CSMD1: variants seen among roughly 807,000 people sequenced by gnomAD.
CSMD1 encodes CUB and sushi domain-containing protein 1.
Under a neutral mutation model 417.5 loss-of-function variants are expected in CSMD1, and 213 were observed. The observed-to-expected ratio is 0.51, with a 90% CI of 0.46 to 0.57. The LOEUF (loss-of-function observed/expected upper bound fraction) is 0.57, where lower values mean the gene tolerates loss of function less well. Among genes scored for constraint, CSMD1 ranks in the 20% least tolerant of loss-of-function variants. The pLI is 0.00. For synonymous variants in CSMD1, 2,862 were observed against 1,736.8 expected (o/e 1.65, Z -16.11); for missense variants, 6,923 against 4,529.7 (o/e 1.53, Z -15.17).
chr8:4,903,464 A>G (rs1440299460), intron 1 of CSMD1, among the ~76,000 whole-genome samples: 1 of 152,110 alleles, frequency 6.6e-6, no homozygotes, highest in East Asian at 1.9e-4. Context: ...GCATACACCA[A>G]TTGTACAAAT....
At chr8:3,668,700 G>A (rs1249715570) in intron 7 of CSMD1, among the ~76,000 whole-genome samples, 1 of 152,144 alleles carries the variant, frequency 6.6e-6, no homozygotes, top group African/African-American at 2.4e-5. Flanking sequence ...TCGAAGTCTA[G>A]ACACAGAGAT....
chr8:4,112,279 C>A (rs1801897008), intron 3 of CSMD1, among the ~76,000 whole-genome samples: 1 of 152,144 alleles, frequency 6.6e-6, no homozygotes, highest in Non-Finnish European at 1.5e-5. Context: ...CTCTGATACA[C>A]CTTTCTGTGC....
chr8:4,265,310 C>T (rs930281621), intron 3 of CSMD1, among the ~76,000 whole-genome samples: 4 of 151,856 alleles, frequency 2.6e-5, no homozygotes, highest in East Asian at 1.9e-4. Context: ...AAAACATATA[C>T]GTTAGGGAAA....
chr8:3,297,154 C>T (rs1327092314), intron 25 of CSMD1, among the ~76,000 whole-genome samples: 6 of 152,134 alleles, frequency 3.9e-5, no homozygotes, highest in Admixed American at 6.5e-5. Flanking sequence ...AACTGCAAAA[C>T]ATCATTGAGA....
chr8:3,826,113 C>T (rs1005001901), intron 5 of CSMD1, among the ~76,000 whole-genome samples: 1 of 151,964 alleles, frequency 6.6e-6, no homozygotes, highest in Non-Finnish European at 1.5e-5. Flanking sequence ...AACAATAAAC[C>T]GGCCGTCAGC....
chr8:4,269,528 C>G (rs1804438527), intron 3 of CSMD1, among the ~76,000 whole-genome samples: 1 of 152,140 alleles, frequency 6.6e-6, no homozygotes, highest in East Asian at 1.9e-4. Context: ...ACTAAAAGCC[C>G]TCAATATATC....
At chr8:3,759,634 C>G (rs118052672) in intron 5 of CSMD1, among the ~76,000 whole-genome samples, 3,225 of 151,760 alleles carry the variant, frequency 0.021, 155 homozygotes, top group East Asian at 0.15. Flanking sequence ...TGGCTCACAC[C>G]TGTAATTTCA....
At chr8:3,921,146 G>C (rs974093451) in intron 5 of CSMD1, among the ~76,000 whole-genome samples, 1 of 152,060 alleles carries the variant, frequency 6.6e-6, no homozygotes, top group Non-Finnish European at 1.5e-5. Flanking sequence ...TCCCTTATTT[G>C]TATTGACCCT....
intron 5 of CSMD1, among the ~76,000 whole-genome samples, chr8:3,828,453 T>C (rs1361476164): frequency 1.3e-5 from 2 of 152,150 alleles, no homozygotes; most frequent in African/African-American, 4.8e-5. Flanking sequence ...ATAAAATATA[T>C]AAAAACCCAT....
At chr8:4,456,599 A>T (rs1038359036) in intron 2 of CSMD1, among the ~76,000 whole-genome samples, 1 of 152,134 alleles carries the variant, frequency 6.6e-6, no homozygotes, top group Non-Finnish European at 1.5e-5. Context: ...GGCTGTAGGG[A>T]TAGAAGAGTA....
intron 1 of CSMD1, among the ~76,000 whole-genome samples, chr8:4,716,833 A>G (rs1345930301): frequency 6.6e-6 from 1 of 152,164 alleles, no homozygotes; most frequent in Non-Finnish European, 1.5e-5. Flanking sequence ...TTAGCAACTA[A>G]TGAATTTGAA....
chr8:4,312,836 G>A (rs561635688), intron 3 of CSMD1, among the ~76,000 whole-genome samples: 1 of 152,156 alleles, frequency 6.6e-6, no homozygotes, highest in African/African-American at 2.4e-5. Flanking sequence ...ATCGCGCCAG[G>A]CAAGGCGGTA....
intron 1 of CSMD1, among the ~76,000 whole-genome samples, chr8:4,917,526 C>T (rs536338218): frequency 1.1e-4 from 16 of 152,134 alleles, no homozygotes; most frequent in Admixed American, 4.6e-4. Flanking sequence ...CCCAGCTACT[C>T]GGGAAGCTGA....
intron 3 of CSMD1, among the ~76,000 whole-genome samples, chr8:4,108,054 ACAGAGACAGAGACAGAG>A (rs1201533659): frequency 3.9e-3 from 9 of 2,302 alleles, no homozygotes; most frequent in Non-Finnish European, 7.8e-3. Flanking sequence ...AGAGACAGAG[ACAGAGACAGAGACAGAG>A]ACAGAGAGAG....
At chr8:4,813,159 G>T (rs1799004265) in intron 1 of CSMD1, among the ~76,000 whole-genome samples, 1 of 152,132 alleles carries the variant, frequency 6.6e-6, no homozygotes, top group Non-Finnish European at 1.5e-5. Flanking sequence ...AAAAGCCTCA[G>T]TCACTAATGC....
chr8:3,333,317 G>A (rs1263252077), intron 23 of CSMD1, among the ~76,000 whole-genome samples: 1 of 152,060 alleles, frequency 6.6e-6, no homozygotes, highest in Non-Finnish European at 1.5e-5. Context: ...CTACACGTGT[G>A]GTATTTTGTT....
At chr8:4,424,164 C>T (rs1400420154) in intron 2 of CSMD1, among the ~76,000 whole-genome samples, 2 of 151,836 alleles carry the variant, frequency 1.3e-5, no homozygotes, top group African/African-American at 4.8e-5. Flanking sequence ...ACCAAAATTA[C>T]AAACCAGAAA....
intron 6 of CSMD1, among the ~76,000 whole-genome samples, chr8:3,735,638 G>C (rs1252063384): frequency 1.3e-5 from 2 of 152,054 alleles, no homozygotes; most frequent in South Asian, 2.1e-4. Flanking sequence ...GAATCTCTTG[G>C]TGCCCTGGTT....
chr8:3,861,579 T>C (rs1804712740), intron 5 of CSMD1, among the ~76,000 whole-genome samples: 1 of 152,198 alleles, frequency 6.6e-6, no homozygotes, highest in Non-Finnish European at 1.5e-5. Flanking sequence ...ATGGCTCCTA[T>C]GGTATGTGGG....
Sources: gnomAD v4.1 joint callset for allele counts (sites outside exome capture counted in the v4.1 genomes callset) on GRCh38, gnomAD v4.1.1 for gene constraint, MANE v1.5 for transcripts, NCBI Gene and HGNC (gene_info 2026-07-23, HGNC 2026-07-21) for gene names.